Variants in XYLT1 observed in about 807,000 individuals in gnomAD.
XYLT1 encodes the protein beta-D-xylosyltransferase 1.
Under a neutral mutation model 91.3 loss-of-function variants are expected in XYLT1, and 36 were observed. The ratio of observed to expected loss-of-function variants is 0.39; its 90% CI spans 0.30 to 0.52. XYLT1 has a LOEUF of 0.52. Ranked by LOEUF, XYLT1 falls within the 20% of genes least tolerant of loss-of-function variation. The pLI, the probability that XYLT1 is intolerant of heterozygous loss-of-function variation, is 0.68. For missense variants in XYLT1, 1,242 were observed against 1,284.5 expected (o/e 0.97, Z 0.51); for synonymous variants, 588 against 532.0 (o/e 1.11, Z -1.45).
intron 2 of XYLT1, among the ~76,000 whole-genome samples, chr16:17,347,817 G>C (rs2035165252): frequency 6.6e-6 from 1 of 152,204 alleles, no homozygotes; most frequent in Non-Finnish European, 1.5e-5. Context: ...TCTTTATAAG[G>C]AAAACTAACA....
At chr16:17,263,358 G>T (rs16968655) in intron 2 of XYLT1, among the ~76,000 whole-genome samples, 2,752 of 152,112 alleles carry the variant, frequency 0.018, 94 homozygotes, top group Admixed American at 0.1. Flanking sequence ...ATCAGGAAGA[G>T]GCACCACCAT....
chr16:17,244,796 G>C (rs1357687270), intron 3 of XYLT1, among the ~76,000 whole-genome samples: 1 of 152,170 alleles, frequency 6.6e-6, no homozygotes, highest in African/African-American at 2.4e-5. Context: ...CAATTACACT[G>C]TGGTGTATCC....
At position 17,198,211 on chromosome 16, in the gene XYLT1, C is replaced by T; in HGVS notation, c.1289+1G>A. 1 of 1,614,072 alleles carries T rather than the reference C, an allele frequency of 6.2e-7. No individual in the cohort carries two copies. The highest frequency in any genetic ancestry group is 8.5e-7 in the Non-Finnish European group (1 of 1,179,990). On this transcript the variant is annotated splice_donor_variant, in intron 5 of 11. Transcript: ENST00000261381. LOFTEE classifies it high-confidence loss of function. ...TGGCTTGGGGCCCTTGGCTGCCTTA[C>T]CTGATGGGGTAGTCGGCCGCACTCA...
intron 1 of XYLT1, chr16:17,445,739 T>C (rs563211189): frequency 6.6e-6 from 1 of 152,180 alleles, no homozygotes; most frequent in South Asian, 2.1e-4. Flanking sequence ...AAACAGCTGT[T>C]TATAGTTTGT....
At chr16:17,165,583 C>T (rs1597163070) in intron 5 of XYLT1, among the ~76,000 whole-genome samples, 1 of 152,054 alleles carries the variant, frequency 6.6e-6, no homozygotes, top group East Asian at 1.9e-4. Flanking sequence ...ATCCCAGCTA[C>T]TCGGAGGCTG....
chr16:17,165,472 GT>G (rs1477722212), intron 5 of XYLT1, among the ~76,000 whole-genome samples: 2 of 151,988 alleles, frequency 1.3e-5, no homozygotes, highest in Non-Finnish European at 2.9e-5. Flanking sequence ...GGATCATGAG[GT>G]CAAGAGATTG....
chr16:17,128,866 C>T (rs1309704393), intron 9 of XYLT1, among the ~76,000 whole-genome samples: 1 of 152,294 alleles, frequency 6.6e-6, no homozygotes, highest in African/African-American at 2.4e-5. Context: ...GTAAATTGCA[C>T]AGCTTTATAA....
intron 2 of XYLT1, among the ~76,000 whole-genome samples, chr16:17,271,335 CACACAGAGAAAGACACAGAGAGAGAGAG>C (rs2033887901): frequency 6.6e-6 from 1 of 151,682 alleles, no homozygotes; most frequent in South Asian, 2.1e-4. Flanking sequence ...GAGAGAGAGA[CACACAGAGAAAGACACAGAGAGAGAGAG>C]ACACAGAGAG....
intron 1 of XYLT1, among the ~76,000 whole-genome samples, chr16:17,406,046 G>C (rs533048388): frequency 9.1e-4 from 139 of 152,172 alleles, no homozygotes; most frequent in African/African-American, 2.9e-3. Context: ...TTAGCCAGGC[G>C]TGGTGGTGCA....
At chr16:17,137,405 G>C (rs548274667) in intron 8 of XYLT1, 59 of 152,382 alleles carry the variant, frequency 3.9e-4, no homozygotes, top group African/African-American at 1.4e-3. Flanking sequence ...CTGCCTTCCT[G>C]TGTTAGTGGT....
chr16:17,184,738 A>G (rs546650927), intron 5 of XYLT1, among the ~76,000 whole-genome samples: 2 of 152,308 alleles, frequency 1.3e-5, no homozygotes, highest in African/African-American at 4.8e-5. Context: ...CAGAATCTCA[A>G]TGAGCATCTA....
At chr16:17,210,643 C>T (rs2032739928) in intron 3 of XYLT1, among the ~76,000 whole-genome samples, 1 of 152,112 alleles carries the variant, frequency 6.6e-6, no homozygotes, top group Non-Finnish European at 1.5e-5. Context: ...AACTCCTGGG[C>T]TCAAGTGATC....
rs371783636 is a variant in XYLT1, at chr16:17,134,494, G to A, written c.2006C>T (p.Thr669Met). ...TCACCGGCAGCTGTTCTCCCCATCC[G>A]TGTGCAGGGACGTCTCGGCCCGTCG... is the stretch of plus-strand genomic sequence containing the variant. ...GLRRAETSLH[T>M]DGENSCRYYP... is the part of the protein sequence containing the mutation. Residue 669 changes from threonine (T) to methionine (M), a missense_variant, in exon 9 of 12, where the codon ACG becomes ATG. Thr to Met is a moderately conservative substitution (Grantham distance 81). Around this residue, in one of 3 missense-constraint regions of XYLT1, gnomAD observed 511 missense variants for 497.0 expected, o/e 1.03. Coordinates refer to ENST00000261381, the MANE Select transcript of XYLT1 (RefSeq NM_022166.4). 9.3e-6 allele frequency: 15 copies of A among 1,613,930 alleles called. No individual in the cohort carries two copies. Among genetic ancestry groups the A allele is most frequent in the Middle Eastern group, 1.6e-4 (1 of 6,084 alleles).
At chr16:17,281,097 T>A (rs558321531) in intron 2 of XYLT1, among the ~76,000 whole-genome samples, 1 of 152,194 alleles carries the variant, frequency 6.6e-6, no homozygotes, top group East Asian at 1.9e-4. Flanking sequence ...CAGCTTTGGG[T>A]ACCTGCTGTG....
intron 5 of XYLT1, among the ~76,000 whole-genome samples, chr16:17,181,153 T>A (rs1198734089): frequency 6.6e-6 from 1 of 152,090 alleles, no homozygotes; most frequent in East Asian, 1.9e-4. Context: ...CTCATTGGGG[T>A]AGAGAAGGCC....
At chr16:17,152,918 A>C (rs2141534089) in intron 6 of XYLT1, among the ~76,000 whole-genome samples, 1 of 152,298 alleles carries the variant, frequency 6.6e-6, no homozygotes, top group South Asian at 2.1e-4. Flanking sequence ...AATTTTATAA[A>C]TTGTTGTCGA....
intron 6 of XYLT1, 21 bp downstream of exon 6, chr16:17,158,808 G>A (rs1046747529): frequency 3.1e-6 from 5 of 1,612,336 alleles, no homozygotes; most frequent in Non-Finnish European, 4.2e-6. Flanking sequence ...TTTTGTACAG[G>A]GGTAGGGGTT....
chr16:17,356,916 C>A (rs935861499), intron 2 of XYLT1, among the ~76,000 whole-genome samples: 15 of 152,066 alleles, frequency 9.9e-5, no homozygotes, highest in African/African-American at 2.2e-4. Flanking sequence ...GTGGCTCATG[C>A]CTGTAATCCC....
chr16:17,319,449 A>AT (rs746624402), intron 2 of XYLT1, among the ~76,000 whole-genome samples: 3,506 of 144,000 alleles, frequency 0.024, 124 homozygotes, highest in African/African-American at 0.08. Flanking sequence ...CCATTCAGGA[A>AT]TTTTTTTTTT....
Sources: gnomAD v4.1 joint callset for allele counts (sites outside exome capture counted in the v4.1 genomes callset) on GRCh38, gnomAD v4.1.1 for gene constraint, gnomAD v4.1.1 regional missense constraint, MANE v1.5 for transcripts, NCBI Gene and HGNC (gene_info 2026-07-23, HGNC 2026-07-21) for gene names.